Variants in CRAMP1 observed in about 807,000 individuals in gnomAD.
CRAMP1 encodes the protein protein cramped-like.
A neutral mutation model predicts 115.4 loss-of-function variants in CRAMP1; 50 were observed. The observed-to-expected ratio is 0.43, with a 90% confidence interval of 0.35 to 0.55. CRAMP1 has a LOEUF of 0.55. CRAMP1 is among the 20% of genes least tolerant of loss of function. The pLI is 0.01. For synonymous variants in CRAMP1, 866 were observed against 745.4 expected (o/e 1.16, Z -2.64); for missense variants, 1,679 against 1,721.7 (o/e 0.98, Z 0.44).
chr16:1,620,095 C>G (rs991409325), intron 2 of CRAMP1, among the ~76,000 whole-genome samples: 1 of 152,138 alleles, frequency 6.6e-6, no homozygotes, highest in Non-Finnish European at 1.5e-5. Context: ...TTGAAGGGTC[C>G]CCCCATGTGA....
chr16:1,614,537 A>C lies in CRAMP1; in HGVS notation c.-1-102A>C. On this transcript the variant is annotated intron_variant, in intron 1 of 20. Transcript: ENST00000397412. The surrounding 1 kb of genome is among the most constrained non-coding windows in gnomAD (Gnocchi z 4.4). ...GGCCGGGCCGAGCCGCCGAGAGGGG[A>C]TTTGGAACAAACAACGGCGGCCATG... 1 of 662,158 alleles carries C rather than the reference A, an allele frequency of 1.5e-6. No individual in the cohort carries two copies. The allele number at this position is 662,158 out of a possible 1,614,324, so 41.0% of individuals were successfully genotyped here.
In CRAMP1 at chr16:1,675,139, C is replaced by T. The variant is rs1161449894; in HGVS notation, c.*1094C>T. ...GACATCTGGATGTGGTCAGACCTCA[C>T]CAAATATATGCCTTCGTGGTGGTCT... On this transcript the variant is annotated 3_prime_UTR_variant, in exon 21 of 21. Transcript: ENST00000397412. 1.3e-5 allele frequency: 2 copies of T among 152,286 alleles called. No homozygotes were observed. Among genetic ancestry groups the T allele is most frequent in the Admixed American group, 6.5e-5 (1 of 15,290 alleles). 9.4% of individuals were successfully genotyped at this position (152,286 alleles called of 1,614,324 possible). A position where few individuals can be genotyped will look rare whatever the true frequency, so the allele number is the denominator to read the frequency against.
chr16:1,655,076 C>T, intron 8 of CRAMP1, 143 bp from the exon 9 acceptor site: 2 of 673,894 alleles, frequency 3.0e-6, no homozygotes, highest in Admixed American at 4.8e-5. Flanking sequence ...GCCAAGGGCC[C>T]TGCAGACGCC....
chr16:1,658,595 G>A (rs1259904728), intron 10 of CRAMP1, among the ~76,000 whole-genome samples: 4 of 152,208 alleles, frequency 2.6e-5, no homozygotes, highest in African/African-American at 9.7e-5. Flanking sequence ...TGCAGCTCAG[G>A]TGTGGGGCCA....
chr16:1,638,430 C>T (rs190263392), intron 5 of CRAMP1, among the ~76,000 whole-genome samples: 2 of 152,208 alleles, frequency 1.3e-5, no homozygotes, highest in Non-Finnish European at 2.9e-5. Flanking sequence ...TTAGAGCGGC[C>T]GCACTGCCTG....
In CRAMP1 at chr16:1,626,529, T is replaced by G. The variant is rs571178681; in HGVS notation, c.540+363T>G. ...GTGGGCTGATTTAGGCGGGATGGCC[T>G]CTTGAGGGGAGGCACAAGGCGGTGC... On this transcript the variant is annotated intron_variant, in intron 3 of 20. Transcript: ENST00000397412. 6.6e-5 allele frequency among the ~76,000 whole-genome samples: 10 copies of G among 151,950 alleles called. No homozygotes were observed. The East Asian group carries it at 1.7e-3, about 27-fold the overall frequency.
chr16:1,659,851 G>A, intron 10 of CRAMP1, 35 bp from the exon 11 acceptor site: 1 of 1,603,114 alleles, frequency 6.2e-7, no homozygotes, highest in Non-Finnish European at 8.5e-7. Context: ...CTCATGTGCT[G>A]AGTTTGGACA....
chr16:1,622,366 T>G (rs971021892), intron 2 of CRAMP1, among the ~76,000 whole-genome samples: 3 of 152,056 alleles, frequency 2.0e-5, no homozygotes, highest in African/African-American at 7.3e-5. Context: ...ACAAAAAAAT[T>G]AGCCATTGTG....
chr16:1,634,482 T>G (rs1388708766), intron 4 of CRAMP1, among the ~76,000 whole-genome samples: 1 of 152,058 alleles, frequency 6.6e-6, no homozygotes, highest in Non-Finnish European at 1.5e-5. Flanking sequence ...AAATGCTCCC[T>G]CACACCTCTC....
At chr16:1,643,548 G>GAA (rs541292575) in intron 6 of CRAMP1, among the ~76,000 whole-genome samples, 4 of 131,594 alleles carry the variant, frequency 3.0e-5, no homozygotes, top group African/African-American at 5.5e-5. Flanking sequence ...CTAGGGGAAA[G>GAA]AAAAAAAAAA....
intron 11 of CRAMP1, 22 bp downstream of exon 11, chr16:1,660,085 T>C (rs1596495746): frequency 6.6e-7 from 1 of 1,513,914 alleles, no homozygotes; most frequent in Non-Finnish European, 8.8e-7. Flanking sequence ...GCAGCCACAC[T>C]CCTTGTGCCT....
At chr16:1,613,695 T>C (rs562706614) in intron 1 of CRAMP1, among the ~76,000 whole-genome samples, 26 of 152,312 alleles carry the variant, frequency 1.7e-4, no homozygotes, top group Middle Eastern at 3.4e-3. Flanking sequence ...GCAAAGTTGA[T>C]GCAATAATTT....
At chr16:1,634,637 G>T (rs1425397128) in intron 4 of CRAMP1, among the ~76,000 whole-genome samples, 1 of 152,128 alleles carries the variant, frequency 6.6e-6, no homozygotes, top group Non-Finnish European at 1.5e-5. Context: ...CACATGATGT[G>T]CCTTCTTCCT....
intron 2 of CRAMP1, among the ~76,000 whole-genome samples, chr16:1,623,677 G>T (rs1295649000): frequency 6.6e-6 from 1 of 152,206 alleles, no homozygotes; most frequent in Non-Finnish European, 1.5e-5. Flanking sequence ...AGGTGGACAG[G>T]CAGTCCTTGC....
chr16:1,663,514 A>G (rs567539322), intron 13 of CRAMP1, among the ~76,000 whole-genome samples: 2 of 152,336 alleles, frequency 1.3e-5, no homozygotes, highest in South Asian at 2.1e-4. Flanking sequence ...AACTAAGATC[A>G]GGGTTGAAAA....
chr16:1,614,011 C>T lies in CRAMP1; in HGVS notation c.-1-628C>T, dbSNP rs1281987370. On this transcript the variant is annotated intron_variant, in intron 1 of 20. Coordinates refer to ENST00000397412, the MANE Select transcript of CRAMP1 (RefSeq NM_020825.4). The surrounding 1 kb of genome is among the most constrained non-coding windows in gnomAD (Gnocchi z 4.4). ...GCGGGCAGGCGAGCCCGCGCTTCTC[C>T]CGTCCCGGGGTGGATCCGGCCTCCT... Among the ~76,000 whole-genome samples, 1 of 151,808 alleles carries T rather than the reference C, an allele frequency of 6.6e-6. No homozygotes were observed. Among genetic ancestry groups the T allele is most frequent in the Non-Finnish European group, 1.5e-5 (1 of 67,896 alleles).
chr16:1,670,440 C>T, intron 19 of CRAMP1: 1 of 514,212 alleles, frequency 1.9e-6, no homozygotes, highest in Admixed American at 3.5e-5. Flanking sequence ...GACCGTGGGA[C>T]TCGTGGAAAA....
At chr16:1,659,685 C>A (rs766392551) in intron 10 of CRAMP1, among the ~76,000 whole-genome samples, 3 of 152,222 alleles carry the variant, frequency 2.0e-5, no homozygotes, top group Non-Finnish European at 4.4e-5. Context: ...CCGCACCTGG[C>A]CGACCAGTAA....
chr16:1,668,246 G>A (rs200355629), intron 18 of CRAMP1, 53 bp downstream of exon 18: 4 of 1,304,826 alleles, frequency 3.1e-6, no homozygotes, highest in Middle Eastern at 1.9e-4. Flanking sequence ...TTGATCTCCT[G>A]CCCCAATGTT....
Sources: gnomAD v4.1 joint callset for allele counts (sites outside exome capture counted in the v4.1 genomes callset) on GRCh38, gnomAD v4.1.1 for gene constraint, Gnocchi (gnomAD v3.1) non-coding constraint, MANE v1.5 for transcripts, NCBI Gene and HGNC (gene_info 2026-07-23, HGNC 2026-07-21) for gene names.